The following NAALADL2 variants were observed in gnomAD, a reference collection of about 807,000 sequenced individuals.
The protein encoded by NAALADL2 is inactive N-acetylated-alpha-linked acidic dipeptidase-like protein 2.
NAALADL2 carries 76 observed loss-of-function variants against 87.2 expected under a neutral mutation model. The observed-to-expected ratio is 0.87, with a 90% confidence interval of 0.72 to 1.05. NAALADL2 has a LOEUF of 1.05. Ranked by LOEUF, NAALADL2 falls within the 50% of genes least tolerant of loss-of-function variation. NAALADL2 has a pLI of 0.00. For missense variants in NAALADL2, 1,089 were observed against 945.8 expected, an observed-to-expected ratio of 1.15 and a Z score of -1.99; for synonymous variants, 354 against 331.0, an observed-to-expected ratio of 1.07 and a Z score of -0.75.
intron 1 of NAALADL2, among the ~76,000 whole-genome samples, chr3:174,930,688 C>G (rs1483781488): frequency 7.6e-6 from 1 of 130,770 alleles, no homozygotes; most frequent in African/African-American, 2.9e-5. Flanking sequence ...GTGGCGCGAT[C>G]TCGGCTCACT....
chr3:174,441,092 G>C (rs945239382), intron 1 of NAALADL2: 1 of 152,202 alleles, frequency 6.6e-6, no homozygotes, highest in African/African-American at 2.4e-5. Flanking sequence ...CTCTGAGGCG[G>C]CGCGGCCTCG....
At chr3:174,933,711 G>A (rs569264533) in intron 1 of NAALADL2, among the ~76,000 whole-genome samples, 4 of 152,102 alleles carry the variant, frequency 2.6e-5, no homozygotes, top group African/African-American at 7.2e-5. Context: ...GTTATTCAAA[G>A]ATATTTTCTA....
At chr3:175,426,430 C>T (rs1389387343) in intron 5 of NAALADL2, among the ~76,000 whole-genome samples, 8 of 152,106 alleles carry the variant, frequency 5.3e-5, no homozygotes, top group Non-Finnish European at 8.8e-5. Context: ...AAGTAAGGTC[C>T]ACTTAAAGGC....
At chr3:175,741,634 T>G (rs1038478815) in intron 12 of NAALADL2, among the ~76,000 whole-genome samples, 3 of 152,046 alleles carry the variant, frequency 2.0e-5, no homozygotes, top group Non-Finnish European at 2.9e-5. Flanking sequence ...AAATATAACT[T>G]TTTTGGGGCA....
At chr3:175,559,648 G>A (rs1427066088) in intron 9 of NAALADL2, among the ~76,000 whole-genome samples, 3 of 152,114 alleles carry the variant, frequency 2.0e-5, no homozygotes, top group Non-Finnish European at 4.4e-5. Flanking sequence ...TTATCATGAA[G>A]GGATGTTGAA....
chr3:174,481,367 A>T lies in NAALADL2; in HGVS notation c.-184+40335A>T, dbSNP rs913790302. On this transcript the variant is annotated intron_variant, in intron 1 of 3. Transcript: ENST00000434257. The stretch of plus-strand genomic sequence containing the variant: ...ATAAGAGTGAAGACATCCTAAGCCA[A>T]CTTGGAGGTTGTGTCACATATGGTT... 5.3e-5 allele frequency among the ~76,000 whole-genome samples: 8 copies of T among 152,236 alleles called. 1 individual carries two copies. Among genetic ancestry groups the T allele is most frequent in the Admixed American group, 5.2e-4 (8 of 15,278 alleles).
chr3:175,360,348 C>T (rs1764847283), intron 5 of NAALADL2, among the ~76,000 whole-genome samples: 1 of 152,112 alleles, frequency 6.6e-6, no homozygotes. Context: ...ACAAATATAT[C>T]AGATGTTCTT....
At chr3:174,649,397 A>C (rs1480197368) in intron 2 of NAALADL2, among the ~76,000 whole-genome samples, 1 of 152,178 alleles carries the variant, frequency 6.6e-6, no homozygotes, top group African/African-American at 2.4e-5. Context: ...AGTTATATAA[A>C]ATACATATAT....
intron 11 of NAALADL2, among the ~76,000 whole-genome samples, chr3:175,736,359 T>C (rs1583058114): frequency 1.3e-5 from 2 of 152,316 alleles, no homozygotes; most frequent in East Asian, 3.9e-4. Context: ...TCTAGAAAAT[T>C]ATAAAAATTA....
chr3:175,100,683 C>G (rs1721988757), intron 2 of NAALADL2, among the ~76,000 whole-genome samples: 1 of 151,816 alleles, frequency 6.6e-6, no homozygotes, highest in African/African-American at 2.4e-5. Context: ...ACTAAAAATA[C>G]AAAAATTAGC....
At chr3:175,700,997 T>C (rs1483021706) in intron 11 of NAALADL2, among the ~76,000 whole-genome samples, 1 of 152,138 alleles carries the variant, frequency 6.6e-6, no homozygotes, top group Non-Finnish European at 1.5e-5. Context: ...GAAATGGTAC[T>C]GTGGAGATAA....
intron 2 of NAALADL2, among the ~76,000 whole-genome samples, chr3:175,105,956 A>G (rs1393289147): frequency 2.0e-5 from 3 of 152,034 alleles, no homozygotes; most frequent in Non-Finnish European, 4.4e-5. Context: ...GGATCCCCTC[A>G]CAGGTCTTTT....
At chr3:175,479,321 C>T (rs960142423) in intron 9 of NAALADL2, among the ~76,000 whole-genome samples, 3 of 151,744 alleles carry the variant, frequency 2.0e-5, no homozygotes, top group Non-Finnish European at 4.4e-5. Flanking sequence ...AATGAACTTA[C>T]TTTGAACAAA....
At chr3:175,147,208 C>T (rs1730876075) in intron 2 of NAALADL2, among the ~76,000 whole-genome samples, 1 of 151,988 alleles carries the variant, frequency 6.6e-6, no homozygotes, top group Non-Finnish European at 1.5e-5. Context: ...GTAGAGTACC[C>T]AATAGGTAGT....
At chr3:174,870,611 G>A (rs1727715665) in intron 1 of NAALADL2, among the ~76,000 whole-genome samples, 1 of 151,460 alleles carries the variant, frequency 6.6e-6, no homozygotes. Flanking sequence ...AACACAATTA[G>A]CCATTTAGTA....
At chr3:175,445,153 T>C (rs1288697128) in intron 5 of NAALADL2, among the ~76,000 whole-genome samples, 1 of 152,210 alleles carries the variant, frequency 6.6e-6, no homozygotes, top group Non-Finnish European at 1.5e-5. Context: ...GTTGGGTATT[T>C]CCTTTTCTGA....
At chr3:175,039,491 C>T (rs1412794478) in intron 1 of NAALADL2, among the ~76,000 whole-genome samples, 2 of 152,082 alleles carry the variant, frequency 1.3e-5, no homozygotes, top group African/African-American at 4.8e-5. Context: ...ACTATTCTCT[C>T]GTATGCAGGC....
In NAALADL2 at chr3:175,366,027, C is replaced by G. The variant is rs539095293; in HGVS notation, c.1090+41702C>G. ...TAATGCTAACCCTCCCCCCTCCCCC[C>G]ACCCCAGAGTGTGATGTTCCCCTTC... On this transcript the variant is annotated intron_variant, in intron 5 of 13. Coordinates refer to ENST00000454872, the MANE Select transcript of NAALADL2 (RefSeq NM_207015.3). Among the ~76,000 whole-genome samples the G allele has an allele frequency of 1.0e-3, 85 of 83,362 alleles. 4 individuals are homozygous for G. Among genetic ancestry groups the G allele is most frequent in the Non-Finnish European group, 1.8e-3 (76 of 41,794 alleles). 54.7% of individuals were successfully genotyped at this position (83,362 alleles called of 152,430 possible).
At chr3:174,659,839 C>G (rs1560124697) in intron 2 of NAALADL2, among the ~76,000 whole-genome samples, 1 of 152,162 alleles carries the variant, frequency 6.6e-6, no homozygotes, top group African/African-American at 2.4e-5. Context: ...TGTCCTCCCA[C>G]CCTCTAAGAC....
Sources: gnomAD v4.1 joint callset for allele counts (sites outside exome capture counted in the v4.1 genomes callset) on GRCh38, gnomAD v4.1.1 for gene constraint, MANE v1.5 for transcripts, NCBI Gene and HGNC (gene_info 2026-07-23, HGNC 2026-07-21) for gene names.